Variants in NUDCD3 observed in about 807,000 individuals in gnomAD.
The protein encoded by NUDCD3 is NudC domain containing 3, also known as nudC domain-containing protein 3.
NUDCD3 carries 13 observed loss-of-function variants against 39.7 expected under a neutral mutation model. The ratio of observed to expected loss-of-function variants is 0.33; its 90% CI spans 0.21 to 0.52. NUDCD3 has a LOEUF of 0.52. NUDCD3 is among the 20% of genes least tolerant of loss of function. NUDCD3 has a pLI of 0.96. For synonymous variants in NUDCD3, 175 were observed against 172.4 expected (o/e 1.02, Z -0.12); for missense variants, 453 against 458.1 (o/e 0.99, Z 0.10).
At chr7:44,448,977 T>C (rs1799737864) in intron 2 of NUDCD3, among the ~76,000 whole-genome samples, 1 of 152,148 alleles carries the variant, frequency 6.6e-6, no homozygotes, top group African/African-American at 2.4e-5. Flanking sequence ...GTCAGGAAGC[T>C]GGTAGATCTA....
chr7:44,437,156 G>A (rs1222771837), intron 2 of NUDCD3, among the ~76,000 whole-genome samples: 1 of 143,036 alleles, frequency 7.0e-6, no homozygotes, highest in East Asian at 2.1e-4. Context: ...TGCAACCTCT[G>A]ACTCCTGGGT....
intron 3 of NUDCD3, among the ~76,000 whole-genome samples, chr7:44,422,953 C>A (rs954415590): frequency 1.3e-5 from 2 of 152,170 alleles, no homozygotes; most frequent in Admixed American, 6.5e-5. Flanking sequence ...ACGATCAAGT[C>A]GGCTTCATCC....
intron 2 of NUDCD3, among the ~76,000 whole-genome samples, chr7:44,442,698 T>TC (rs1489793016): frequency 2.0e-5 from 3 of 148,760 alleles, no homozygotes; most frequent in Non-Finnish European, 3.0e-5. Flanking sequence ...CTTTTCTTTT[T>TC]TTTTTTTTTT....
intron 2 of NUDCD3, among the ~76,000 whole-genome samples, chr7:44,456,468 C>A (rs1799904291): frequency 6.6e-6 from 1 of 152,170 alleles, no homozygotes; most frequent in Non-Finnish European, 1.5e-5. Context: ...CTCGACTTGT[C>A]ATATCAAAAG....
At chr7:44,410,764 C>T (rs1226633051) in intron 3 of NUDCD3, among the ~76,000 whole-genome samples, 2 of 151,796 alleles carry the variant, frequency 1.3e-5, no homozygotes, top group Non-Finnish European at 2.9e-5. Flanking sequence ...GTCAAGAGAT[C>T]GACATTATCC....
chr7:44,476,463 G>T (rs1210537043), intron 2 of NUDCD3, among the ~76,000 whole-genome samples: 1 of 152,170 alleles, frequency 6.6e-6, no homozygotes, highest in Non-Finnish European at 1.5e-5. Flanking sequence ...GCCTAAGGGA[G>T]TTCATTTGCC....
chr7:44,449,974 T>C (rs1424631146), intron 2 of NUDCD3, among the ~76,000 whole-genome samples: 1 of 152,048 alleles, frequency 6.6e-6, no homozygotes, highest in African/African-American at 2.4e-5. Flanking sequence ...TTGCAAATTA[T>C]ATATCTGATA....
intron 5 of NUDCD3, among the ~76,000 whole-genome samples, chr7:44,387,550 G>A (rs9648536): frequency 0.13 from 19,553 of 152,174 alleles, 1,667 homozygotes; most frequent in Non-Finnish European, 0.19. Flanking sequence ...CAAAACACAA[G>A]AATGGATGAC....
At chr7:44,444,647 C>T (rs1473414077) in intron 2 of NUDCD3, among the ~76,000 whole-genome samples, 1 of 152,148 alleles carries the variant, frequency 6.6e-6, no homozygotes, top group African/African-American at 2.4e-5. Flanking sequence ...TAGCACGCAC[C>T]CACTATCAGT....
chr7:44,454,279 C>T (rs1664093149), intron 2 of NUDCD3, among the ~76,000 whole-genome samples: 1 of 152,160 alleles, frequency 6.6e-6, no homozygotes, highest in African/African-American at 2.4e-5. Context: ...GCGGAGCTTG[C>T]AGTGAGCTGA....
chr7:44,381,699 G>A lies in NUDCD3; in HGVS notation c.*4312C>T, dbSNP rs1323628638. On this transcript the variant is annotated 3_prime_UTR_variant, in exon 6 of 6. Transcript: ENST00000355451. ...TTCCTAAGCTGTCCTTCTCCAGGGA[G>A]AATAGCCTCAGCCCTGCCTGACAGG... is the stretch of plus-strand genomic sequence containing the variant. The A allele has an allele frequency of 6.6e-6, 1 of 152,210 alleles. No individual in the cohort carries two copies. Among genetic ancestry groups the A allele is most frequent in the Non-Finnish European group, 1.5e-5 (1 of 68,060 alleles). The allele number at this position is 152,210 out of a possible 1,614,324, so 9.4% of individuals were successfully genotyped here.
intron 1 of NUDCD3, among the ~76,000 whole-genome samples, chr7:44,486,953 C>G (rs1315243321): frequency 1.3e-5 from 2 of 152,162 alleles, no homozygotes; most frequent in Non-Finnish European, 2.9e-5. Context: ...AACCTCCAAT[C>G]AATCTTCTCA....
intron 2 of NUDCD3, among the ~76,000 whole-genome samples, chr7:44,480,941 C>CAAAAAAAAAAAAAAAAA (rs1164765600): frequency 2.9e-5 from 1 of 34,876 alleles, no homozygotes; most frequent in African/African-American, 1.1e-4. Context: ...GACCCAGTAT[C>CAAAAAAAAAAAAAAAAA]AAAAAAAAAA....
intron 2 of NUDCD3, among the ~76,000 whole-genome samples, chr7:44,431,495 T>TGCACAGG (rs1215490215): frequency 6.6e-6 from 1 of 152,052 alleles, no homozygotes; most frequent in Admixed American, 6.5e-5. Flanking sequence ...CAGGGTCACC[T>TGCACAGG]GCACAGGGAG....
intron 2 of NUDCD3, among the ~76,000 whole-genome samples, chr7:44,449,232 G>T (rs943804843): frequency 6.6e-6 from 1 of 152,212 alleles, no homozygotes; most frequent in Non-Finnish European, 1.5e-5. Context: ...AAGACTAATC[G>T]TTGGGGAGGA....
intron 2 of NUDCD3, among the ~76,000 whole-genome samples, chr7:44,471,131 T>C (rs1035631824): frequency 1.3e-5 from 2 of 152,212 alleles, no homozygotes; most frequent in Non-Finnish European, 2.9e-5. Flanking sequence ...AGTTGTCCCT[T>C]GGTATTCACA....
chr7:44,386,169 T>C (rs1798399017), intron 5 of NUDCD3, 48 bp from the exon 6 acceptor site: 1 of 1,597,392 alleles, frequency 6.3e-7, no homozygotes, highest in Non-Finnish European at 8.6e-7. Context: ...ACGCACTGTG[T>C]ACTTTCTCCC....
At chr7:44,464,985 G>C (rs1352703201) in intron 2 of NUDCD3, among the ~76,000 whole-genome samples, 1 of 152,110 alleles carries the variant, frequency 6.6e-6, no homozygotes. Context: ...TCAGGGAAGT[G>C]GCAGGGGAGC....
intron 4 of NUDCD3, among the ~76,000 whole-genome samples, chr7:44,398,538 C>T (rs1798663776): frequency 6.6e-6 from 1 of 152,230 alleles, no homozygotes; most frequent in Non-Finnish European, 1.5e-5. Context: ...AGACTGCAGG[C>T]TGAACAGTGT....
Sources: gnomAD v4.1 joint callset for allele counts (sites outside exome capture counted in the v4.1 genomes callset) on GRCh38, gnomAD v4.1.1 for gene constraint, MANE v1.5 for transcripts, NCBI Gene and HGNC (gene_info 2026-07-23, HGNC 2026-07-21) for gene names.